Variants in STRN3 observed in about 807,000 individuals in gnomAD.
STRN3 encodes the protein striatin 3.
A neutral mutation model predicts 95.6 loss-of-function variants in STRN3; 29 were observed. The ratio of observed to expected loss-of-function variants is 0.30; its 90% CI spans 0.23 to 0.41. The LOEUF (loss-of-function observed/expected upper bound fraction) is 0.41. Among genes scored for constraint, STRN3 ranks in the 10% least tolerant of loss-of-function variants. The pLI, the probability that STRN3 is intolerant of heterozygous loss-of-function variation, is 1.00. For synonymous variants in STRN3, 331 were observed against 357.6 expected, an observed-to-expected ratio of 0.93 and a Z score of 0.84; for missense variants, 890 against 972.1, an observed-to-expected ratio of 0.92 and a Z score of 1.12.
chr14:30,911,843 G>C lies in STRN3; in HGVS notation c.1551-19C>G. On this transcript the variant is annotated intron_variant, in intron 11 of 17. Coordinates refer to ENST00000357479, the MANE Select transcript of STRN3 (RefSeq NM_001083893.2). ...GGCACTCCTAAAAGAGGGGGAAAAA[G>C]GGTAGGGGAAGAGAAGGCAATTAAA... The C allele has an allele frequency of 6.2e-7, 1 of 1,600,264 alleles. No individual in the cohort carries two copies. Among genetic ancestry groups the C allele is most frequent in the African/African-American group, 1.3e-5 (1 of 74,074 alleles).
chr14:30,955,707 C>G lies in STRN3; in HGVS notation c.387-14G>C, dbSNP rs1594491466. On this transcript the variant is annotated splice_polypyrimidine_tract_variant and intron_variant, in intron 2 of 17. Transcript: ENST00000357479. Reference sequence around the variant, plus strand: ...TGATATTTTGCCCTGAAAATTTAATCACAAATTAGTAAAATCACAACTTCT... The same window carrying G: ...TGATATTTTGCCCTGAAAATTTAATGACAAATTAGTAAAATCACAACTTCT... The G allele has an allele frequency of 6.4e-7, 1 of 1,569,420 alleles. No individual in the cohort carries two copies. The highest frequency in any genetic ancestry group is 8.6e-7 in the Non-Finnish European group (1 of 1,164,482).
At chr14:30,898,492 A>G (rs1482271963) in intron 16 of STRN3, among the ~76,000 whole-genome samples, 1 of 152,180 alleles carries the variant, frequency 6.6e-6, no homozygotes, top group Non-Finnish European at 1.5e-5. Context: ...GTCAATTGAG[A>G]GTTAACCCTT....
intron 16 of STRN3, among the ~76,000 whole-genome samples, chr14:30,896,122 C>T (rs528931928): frequency 6.6e-6 from 1 of 152,286 alleles, no homozygotes; most frequent in South Asian, 2.1e-4. Flanking sequence ...CAATACGTGG[C>T]TTTTTGTGTC....
chr14:30,955,730 T>C, intron 2 of STRN3, 37 bp from the exon 3 acceptor site: 3 of 1,514,198 alleles, frequency 2.0e-6, no homozygotes, highest in Non-Finnish European at 2.7e-6. Context: ...AATCACAACT[T>C]CTTCTTTTTG....
rs575608590 is a variant in STRN3 at position 31,025,549 on chromosome 14, T to C, written c.282+355A>G. On this transcript the variant is annotated intron_variant, in intron 1 of 17. Transcript: ENST00000357479. ...GGAACAAACAAGAGCAAACTCAGTG[T>C]TGAGAGGCCCCAAACCGGACTCTCC... is the stretch of plus-strand genomic sequence containing the variant. 260 of 320,202 alleles carry C rather than the reference T, an allele frequency of 8.1e-4. 2 individuals carry two copies. The Middle Eastern group carries it at 0.016, about 20-fold the overall frequency. The allele number at this position is 320,202 out of a possible 1,614,324, so 19.8% of individuals were successfully genotyped here.
chr14:31,018,367 GCACT>G, intron 1 of STRN3: 1 of 336,578 alleles, frequency 3.0e-6, no homozygotes, highest in African/African-American at 2.2e-5. Flanking sequence ...CATGTAGTGG[GCACT>G]CAAAGAAATG....
chr14:31,001,408 C>A (rs1396955351), intron 1 of STRN3, among the ~76,000 whole-genome samples: 2 of 151,796 alleles, frequency 1.3e-5, no homozygotes, highest in Non-Finnish European at 2.9e-5. Context: ...TGGTGATGTG[C>A]GCCTGCAGTT....
At chr14:30,968,341 C>T (rs1252158499) in intron 1 of STRN3, among the ~76,000 whole-genome samples, 2 of 139,440 alleles carry the variant, frequency 1.4e-5, no homozygotes, top group Admixed American at 1.5e-4. Flanking sequence ...GTAAAAAGAA[C>T]GTTATATGGT....
chr14:30,959,891 C>T (rs1195528649), intron 1 of STRN3, among the ~76,000 whole-genome samples: 1 of 152,160 alleles, frequency 6.6e-6, no homozygotes, highest in African/African-American at 2.4e-5. Flanking sequence ...GCATTAAAGA[C>T]AACCTAAACG....
chr14:30,915,624 TAA>T (rs1896718765), intron 9 of STRN3, among the ~76,000 whole-genome samples: 1 of 152,324 alleles, frequency 6.6e-6, no homozygotes, highest in Non-Finnish European at 1.5e-5. Context: ...GATAATTATA[TAA>T]AAGTCATTAT....
chr14:31,008,421 T>A (rs1882818356), intron 1 of STRN3, among the ~76,000 whole-genome samples: 1 of 151,744 alleles, frequency 6.6e-6, no homozygotes, highest in Admixed American at 6.6e-5. Context: ...GGTGGGAGGA[T>A]CGAGTGAGCC....
intron 12 of STRN3, 35 bp downstream of exon 12, chr14:30,911,742 T>C: frequency 6.4e-7 from 1 of 1,552,428 alleles, no homozygotes; most frequent in South Asian, 1.2e-5. Flanking sequence ...ACAATAATGA[T>C]GATGTTAATT....
intron 1 of STRN3, among the ~76,000 whole-genome samples, chr14:30,973,676 A>C (rs78753454): frequency 0.011 from 1,607 of 152,284 alleles, 34 homozygotes; most frequent in African/African-American, 0.036. Context: ...TAAAGAAACT[A>C]TAGACCAATC....
At chr14:31,000,219 T>C (rs1882379782) in intron 1 of STRN3, among the ~76,000 whole-genome samples, 1 of 106,968 alleles carries the variant, frequency 9.3e-6, no homozygotes, top group African/African-American at 3.7e-5. Flanking sequence ...ACTCCATACG[T>C]AACTACAAAA....
chr14:30,906,819 T>C (rs1896473177), intron 14 of STRN3, 58 bp downstream of exon 14: 1 of 1,507,328 alleles, frequency 6.6e-7, no homozygotes, highest in Non-Finnish European at 9.0e-7. Context: ...CTTTGTCCTT[T>C]ATATATTCCA....
chr14:30,939,616 G>A (rs944729881), intron 5 of STRN3, among the ~76,000 whole-genome samples: 4 of 152,022 alleles, frequency 2.6e-5, no homozygotes, highest in African/African-American at 9.7e-5. Flanking sequence ...TGCTTGCTAG[G>A]AAATACTTAG....
At chr14:30,997,111 GA>G in intron 1 of STRN3, among the ~76,000 whole-genome samples, 1 of 152,114 alleles carries the variant, frequency 6.6e-6, no homozygotes, top group South Asian at 2.1e-4. Flanking sequence ...TAAGGAACAG[GA>G]TCAGGACCTA....
rs532062454 is a variant in STRN3, at chr14:31,015,982, T to C, written c.282+9922A>G. Among the ~76,000 whole-genome samples, 7 of 152,234 alleles carry C rather than the reference T, an allele frequency of 4.6e-5. No individual in the cohort carries two copies. The South Asian group carries it at 1.5e-3, about 32-fold the overall frequency. ...TGCCTGGCTTCAATACTGTTTTTCA[T>C]TAGGGGAATGTAAATTAAAAACAGT... On this transcript the variant is annotated intron_variant, in intron 1 of 17. Coordinates refer to ENST00000357479, the MANE Select transcript of STRN3 (RefSeq NM_001083893.2).
At position 30,894,124 on chromosome 14, in the gene STRN3, T is replaced by C. The variant is rs989694956; in HGVS notation, c.*1287A>G. 2 of 152,564 alleles carry C rather than the reference T, an allele frequency of 1.3e-5. No homozygotes were observed. Among genetic ancestry groups the C allele is most frequent in the Non-Finnish European group, 2.9e-5 (2 of 67,984 alleles). 9.5% of individuals were successfully genotyped at this position (152,564 alleles called of 1,614,324 possible). On this transcript the variant is annotated 3_prime_UTR_variant, in exon 18 of 18. Coordinates refer to ENST00000357479, the MANE Select transcript of STRN3 (RefSeq NM_001083893.2). Reference sequence around the variant, plus strand: ...CAAAATCTTTAGTTACACCATAAAATTAAGCACATCTAAAAAAATAAAACA... The same window carrying C: ...CAAAATCTTTAGTTACACCATAAAACTAAGCACATCTAAAAAAATAAAACA...
Sources: gnomAD v4.1 joint callset for allele counts (sites outside exome capture counted in the v4.1 genomes callset) on GRCh38, gnomAD v4.1.1 for gene constraint, MANE v1.5 for transcripts, NCBI Gene and HGNC (gene_info 2026-07-23, HGNC 2026-07-21) for gene names.